Variants in SLC13A4 observed in about 807,000 individuals in gnomAD.
SLC13A4 encodes solute carrier family 13 member 4, also known as Na(+)/sulfate cotransporter SUT-1.
SLC13A4 carries 28 observed loss-of-function variants against 72.7 expected under a neutral mutation model. That is an observed-to-expected ratio of 0.39 (90% CI 0.29 to 0.53). SLC13A4 has a LOEUF of 0.53. Ranked by LOEUF, SLC13A4 falls within the 20% of genes least tolerant of loss-of-function variation. SLC13A4 has a pLI of 0.78. For synonymous variants in SLC13A4, 312 were observed against 325.5 expected (o/e 0.96, Z 0.45); for missense variants, 653 against 788.0 (o/e 0.83, Z 2.05).
intron 5 of SLC13A4, 37 bp downstream of exon 5, chr7:135,705,559 T>C (rs754679209): frequency 1.9e-6 from 3 of 1,605,096 alleles, no homozygotes; most frequent in East Asian, 4.5e-5. Context: ...CTATGGACTC[T>C]GAGAGGCGCT....
At chr7:135,726,124 G>A (rs1796652008) in intron 1 of SLC13A4, among the ~76,000 whole-genome samples, 1 of 152,058 alleles carries the variant, frequency 6.6e-6, no homozygotes, top group Non-Finnish European at 1.5e-5. Flanking sequence ...CTTGGGAGAG[G>A]AGGCTAGTAT....
At chr7:135,697,770 C>G (rs996752155) in intron 8 of SLC13A4, among the ~76,000 whole-genome samples, 2 of 152,182 alleles carry the variant, frequency 1.3e-5, no homozygotes, top group African/African-American at 2.4e-5. Flanking sequence ...TCCTCTTACC[C>G]TCTGTCGTTT....
chr7:135,702,915 G>A (rs919721833), intron 5 of SLC13A4, 31 bp from the exon 6 acceptor site: 11 of 1,577,018 alleles, frequency 7.0e-6, no homozygotes, highest in African/African-American at 4.1e-5. Flanking sequence ...CAGGAGCCAC[G>A]TCAGTGAGGC....
At chr7:135,701,154 C>T (rs991132410) in intron 7 of SLC13A4, among the ~76,000 whole-genome samples, 4 of 152,254 alleles carry the variant, frequency 2.6e-5, no homozygotes, top group African/African-American at 9.6e-5. Flanking sequence ...ACATAATAAG[C>T]ATTTAATAAA....
Position 135,684,109 on chromosome 7 carries a change from G to A in SLC13A4, c.1746+15C>T, listed in dbSNP as rs768708004. 2.5e-6 allele frequency: 4 copies of A among 1,585,374 alleles called. No individual in the cohort carries two copies. Among genetic ancestry groups the A allele is most frequent in the Non-Finnish European group, 3.4e-6 (4 of 1,161,106 alleles). On this transcript the variant is annotated intron_variant, in intron 15 of 15. Coordinates refer to ENST00000682651, the MANE Select transcript of SLC13A4 (RefSeq NM_001318192.2). ...TGGCAGCTGGGCCTGGCAGGGAGAG[G>A]GCACCCCAACTCACCATATCTTTGA...
rs1028948078 is a variant in SLC13A4 at position 135,727,556 on chromosome 7, G to T, written c.-60C>A. 41 of 1,515,976 alleles carry T rather than the reference G, an allele frequency of 2.7e-5. No homozygotes were observed. The highest frequency in any genetic ancestry group is 3.5e-5 in the Non-Finnish European group (39 of 1,125,808). 93.9% of individuals were successfully genotyped at this position (1,515,976 alleles called of 1,614,324 possible). A position where few individuals can be genotyped will look rare whatever the true frequency, so the allele number is the denominator to read the frequency against. ...CCGCTCTGCCGGCGAAAGGCTTCCT[G>T]CCTGGGCACTGCTCTCTATCCAGAA... On this transcript the variant is annotated 5_prime_UTR_variant, in exon 1 of 16. Coordinates refer to ENST00000682651, the MANE Select transcript of SLC13A4 (RefSeq NM_001318192.2).
intron 2 of SLC13A4, among the ~76,000 whole-genome samples, chr7:135,715,105 G>A (rs1348867963): frequency 6.6e-6 from 1 of 151,804 alleles, no homozygotes; most frequent in East Asian, 1.9e-4. Context: ...ATGTGTGTGA[G>A]CGTGTATGAG....
At chr7:135,697,339 C>T (rs1045988778) in intron 8 of SLC13A4, among the ~76,000 whole-genome samples, 1 of 152,240 alleles carries the variant, frequency 6.6e-6, no homozygotes, top group African/African-American at 2.4e-5. Flanking sequence ...CCCCATACTT[C>T]CTCTTTCCCC....
Position 135,721,477 on chromosome 7 carries a change from A to T in SLC13A4, c.146T>A (p.Val49Glu). ...AGCTCCCAGAGGCACTGCCTCCGAC[A>T]CCCAGTACACAGCAGTCACGATCAG... ...YVLIVTAVYW[V>E]SEAVPLGAAA... is the part of the protein sequence containing the mutation. Residue 49 changes from valine to glutamate, a missense_variant, in exon 2 of 16, where the codon GTG (valine) becomes GAG (glutamate). Transcript: ENST00000682651. 6.2e-7 allele frequency: 1 copy of T among 1,614,078 alleles called. No homozygotes were observed. Among genetic ancestry groups the T allele is most frequent in the Non-Finnish European group, 8.5e-7 (1 of 1,179,982 alleles).
intron 15 of SLC13A4, among the ~76,000 whole-genome samples, chr7:135,682,160 A>T (rs1563153222): frequency 6.6e-6 from 1 of 152,200 alleles, no homozygotes; most frequent in Non-Finnish European, 1.5e-5. Context: ...AGCTCATGGA[A>T]ATAGTGTACC....
In SLC13A4 at chr7:135,705,606, C is replaced by T. The variant is rs775591238; in HGVS notation, c.583G>A (p.Val195Ile). The stretch of plus-strand genomic sequence containing the variant: ...GGCAGTCATACTCACTCTTCATTGA[C>T]AAAGATGAGTTCCAGAGAAGGTTGG... ...NSQPSLELIF[V>I]NEDRSNADLT... The change falls in exon 5 of 16, where the codon GTC (valine) becomes ATC (isoleucine). Residue 195 changes from valine to isoleucine, a missense_variant. Val to Ile is a conservative substitution (Grantham distance 29, BLOSUM62 3). Coordinates refer to ENST00000682651, the MANE Select transcript of SLC13A4 (RefSeq NM_001318192.2). 96 of 1,613,900 alleles carry T rather than the reference C, an allele frequency of 5.9e-5. No individual in the cohort carries two copies. The highest frequency in any genetic ancestry group is 3.3e-4 in the Middle Eastern group (2 of 6,082).
In SLC13A4 at chr7:135,690,692, C is replaced by T. The variant is rs894659143; in HGVS notation, c.1446+509G>A. Among the ~76,000 whole-genome samples, 8 of 150,886 alleles carry T rather than the reference C, an allele frequency of 5.3e-5. No individual in the cohort carries two copies. The East Asian group carries it at 1.6e-3, about 30-fold the overall frequency. ...ATGTGTCATGACTGTGTGGCACAGC[C>T]CATCTGTTCCTCTGTTCCTAGTAGC... is the stretch of plus-strand genomic sequence containing the variant. On this transcript the variant is annotated intron_variant, in intron 13 of 15. Transcript: ENST00000682651.
chr7:135,685,736 T>C (rs1160992661), intron 13 of SLC13A4, 53 bp from the exon 14 acceptor site: 1 of 1,513,632 alleles, frequency 6.6e-7, no homozygotes, highest in Non-Finnish European at 9.1e-7. Flanking sequence ...ACATCCCAGC[T>C]AGAGATCTTA....
intron 9 of SLC13A4, 106 bp from the exon 10 acceptor site, chr7:135,694,344 T>C: frequency 2.9e-6 from 2 of 695,546 alleles, no homozygotes; most frequent in African/African-American, 1.8e-5. Flanking sequence ...GTCACTTTTC[T>C]CCTCTTTCAC....
intron 2 of SLC13A4, among the ~76,000 whole-genome samples, chr7:135,711,963 A>G (rs1348952468): frequency 4.3e-3 from 203 of 46,898 alleles, no homozygotes; most frequent in African/African-American, 0.015. Context: ...ATGTTTTTGG[A>G]TTTTTTTTTT....
rs1381836724 is a variant in SLC13A4 at position 135,715,496 on chromosome 7, TGTGTAG to T, written c.228+5893_228+5898del. On this transcript the variant is annotated intron_variant, in intron 2 of 15. Coordinates refer to ENST00000682651, the MANE Select transcript of SLC13A4 (RefSeq NM_001318192.2). Reference sequence around the variant, plus strand: ...GTGTGTATGTGTATGTATGAGTGGGTGTGTAGGAGTGTGTATGTGAGTGTGTGAGTG... The same window carrying T: ...GTGTGTATGTGTATGTATGAGTGGGTGAGTGTGTATGTGAGTGTGTGAGTG... Among the ~76,000 whole-genome samples, 247 of 149,676 alleles carry T rather than the reference TGTGTAG, an allele frequency of 1.7e-3. 1 individual carries two copies. Among genetic ancestry groups the T allele is most frequent in the African/African-American group, 5.8e-3 (234 of 40,480 alleles).
intron 2 of SLC13A4, among the ~76,000 whole-genome samples, chr7:135,709,255 C>T (rs1489150731): frequency 6.6e-6 from 1 of 151,732 alleles, no homozygotes; most frequent in Admixed American, 6.6e-5. Flanking sequence ...TTAAATAATT[C>T]CCAATAATTC....
intron 10 of SLC13A4, among the ~76,000 whole-genome samples, chr7:135,693,628 A>T (rs752581809): frequency 6.6e-6 from 1 of 152,182 alleles, no homozygotes; most frequent in Non-Finnish European, 1.5e-5. Flanking sequence ...ACTAAATAGG[A>T]AGCTGGGTCC....
intron 9 of SLC13A4, among the ~76,000 whole-genome samples, chr7:135,695,061 AG>A (rs1795870861): frequency 6.6e-6 from 1 of 152,168 alleles, no homozygotes; most frequent in African/African-American, 2.4e-5. Flanking sequence ...ATGCTTTGAG[AG>A]CAATAAAACG....
Sources: gnomAD v4.1 joint callset for allele counts (sites outside exome capture counted in the v4.1 genomes callset) on GRCh38, gnomAD v4.1.1 for gene constraint, MANE v1.5 for transcripts, NCBI Gene and HGNC (gene_info 2026-07-23, HGNC 2026-07-21) for gene names.